The following DNAH6 variants were observed in gnomAD, a reference collection of about 807,000 sequenced individuals.
DNAH6 encodes the protein dynein axonemal heavy chain 6, also known as axonemal beta dynein heavy chain 6.
Under a neutral mutation model 491.4 loss-of-function variants are expected in DNAH6, and 340 were observed. The observed-to-expected ratio is 0.69, with a 90% CI of 0.63 to 0.76. The LOEUF is 0.76. Among genes scored for constraint, DNAH6 ranks in the 30% least tolerant of loss-of-function variants. The pLI, the probability that DNAH6 is intolerant of heterozygous loss-of-function variation, is 0.00. For missense variants in DNAH6, 4,443 were observed against 4,972.2 expected (o/e 0.89, Z 3.20); for synonymous variants, 1,603 against 1,686.1 (o/e 0.95, Z 1.21).
chr2:84,543,689 A>G (rs188217500), intron 4 of DNAH6, among the ~76,000 whole-genome samples: 2 of 152,280 alleles, frequency 1.3e-5, no homozygotes, highest in Non-Finnish European at 2.9e-5. Context: ...TTAATCATAC[A>G]GTTGAAGAAT....
chr2:84,789,510 A>G (rs1252795263), intron 68 of DNAH6, among the ~76,000 whole-genome samples: 1 of 152,220 alleles, frequency 6.6e-6, no homozygotes. Flanking sequence ...AAAGCAAAGT[A>G]CAATCAAAGC....
rs1697588102 is a variant in DNAH6, at chr2:84,716,891, G to A, written c.9611+1264G>A. 2.6e-5 allele frequency among the ~76,000 whole-genome samples: 4 copies of A among 152,186 alleles called. No individual in the cohort carries two copies. In the South Asian group the frequency reaches 8.3e-4, roughly 31 times the overall value. On this transcript the variant is annotated intron_variant, in intron 58 of 76. Transcript: ENST00000389394. ...TGAGGATGGAGCTGGGTCTGCCTGT[G>A]TTCTGACAGGCCGTCACCTATTTCA...
intron 56 of DNAH6, among the ~76,000 whole-genome samples, chr2:84,711,225 A>G (rs1697014589): frequency 6.6e-6 from 1 of 152,234 alleles, no homozygotes; most frequent in Non-Finnish European, 1.5e-5. Context: ...GCTGTGACCT[A>G]TGTGATGAGC....
At chr2:84,725,309 G>T (rs545487111) in intron 60 of DNAH6, among the ~76,000 whole-genome samples, 1 of 152,276 alleles carries the variant, frequency 6.6e-6, no homozygotes, top group South Asian at 2.1e-4. Context: ...TTCCAGGAAA[G>T]AATGGAAATG....
chr2:84,805,499 A>G lies in DNAH6; in HGVS notation c.11482-166A>G, dbSNP rs1052676452. ...CAATAATTACTGTCTTAATTTGTTA[A>G]GAGGGTAGATCTCATGTTAATTGTT... On this transcript the variant is annotated intron_variant, in intron 70 of 76. Transcript: ENST00000389394. 2.8e-4 allele frequency among the ~76,000 whole-genome samples: 42 copies of G among 152,228 alleles called. 1 individual carries two copies. The highest frequency in any genetic ancestry group is 9.2e-4 in the African/African-American group (38 of 41,468).
chr2:84,602,801 T>TTTTG (rs1481173159), intron 18 of DNAH6, among the ~76,000 whole-genome samples: 7 of 149,474 alleles, frequency 4.7e-5, no homozygotes, highest in African/African-American at 1.7e-4. Flanking sequence ...TGCTCTGTTT[T>TTTTG]TTTTTTTTTT....
intron 61 of DNAH6, 45 bp downstream of exon 61, chr2:84,727,947 G>A: frequency 1.6e-6 from 2 of 1,221,772 alleles, no homozygotes; most frequent in East Asian, 2.5e-5. Flanking sequence ...GTTTGGCTGT[G>A]TCCCCACCCA....
At chr2:84,470,118 G>T in the DNAH6 span, among the ~76,000 whole-genome samples, 1,601 of 152,130 alleles carry the variant, frequency 0.011, 16 homozygotes, top group Non-Finnish European at 0.017. Context: ...CCTATGAGTC[G>T]GGGGTCTCTT....
intron 21 of DNAH6, among the ~76,000 whole-genome samples, chr2:84,609,020 A>G (rs1421206927): frequency 6.6e-6 from 1 of 152,174 alleles, no homozygotes. Flanking sequence ...AGCTTCTTTC[A>G]GTCTCACGAA....
At chr2:84,494,298 A>C in the DNAH6 span, among the ~76,000 whole-genome samples, 1 of 152,196 alleles carries the variant, frequency 6.6e-6, no homozygotes, top group East Asian at 1.9e-4. Flanking sequence ...TGTTTGCCGG[A>C]TACAGGTTCT....
At chr2:84,481,891 A>G in the DNAH6 span, among the ~76,000 whole-genome samples, 5 of 152,154 alleles carry the variant, frequency 3.3e-5, no homozygotes, top group Admixed American at 3.3e-4. Flanking sequence ...TTCAGCTATC[A>G]CGTTGCACAT....
chr2:84,531,048 T>C (rs2365448), intron 4 of DNAH6, among the ~76,000 whole-genome samples: 146,114 of 152,216 alleles, frequency 0.96, 70,171 homozygotes, highest in East Asian at 1. Context: ...AATTAATATG[T>C]GTAAGATGTA....
chr2:84,585,774 G>A (rs534209670), intron 15 of DNAH6, among the ~76,000 whole-genome samples: 5 of 152,308 alleles, frequency 3.3e-5, no homozygotes, highest in Admixed American at 3.3e-4. Context: ...TCTGCAGCTG[G>A]TTGTCCCATT....
In DNAH6 at chr2:84,619,779, T is replaced by A; in HGVS notation, c.3667T>A (p.Ser1223Thr). 6.4e-7 allele frequency: 1 copy of A among 1,551,600 alleles called. No homozygotes were observed. The highest frequency in any genetic ancestry group is 1.2e-5 in the South Asian group (1 of 84,062). ...VQPHLRKCFD[S>T]ISKLEFALMP... ...GCCACACTTAAGGAAATGCTTCGAC[T>A]CCATTTCAAAGCTCGAATTTGCTCT... Residue 1223 changes from serine to threonine, a missense_variant, in exon 24 of 77, where the codon TCC becomes ACC. Around this residue, in one of 3 missense-constraint regions of DNAH6, gnomAD observed 2,977 missense variants for 3,296.6 expected, o/e 0.90. Transcript: ENST00000389394.
intron 63 of DNAH6, 115 bp from the exon 64 acceptor site, chr2:84,762,640 C>T (rs921305955): frequency 2.9e-6 from 2 of 690,786 alleles, no homozygotes; most frequent in African/African-American, 3.6e-5. Flanking sequence ...CCAATCAAGA[C>T]AGAATAAGTA....
At chr2:84,754,160 A>T (rs1451159890) in intron 63 of DNAH6, among the ~76,000 whole-genome samples, 18 of 151,006 alleles carry the variant, frequency 1.2e-4, no homozygotes, top group Non-Finnish European at 3.0e-5. Flanking sequence ...GTGTGAAGTA[A>T]GAGTCCAACA....
intron 56 of DNAH6, 76 bp from the exon 57 acceptor site, chr2:84,713,019 A>G (rs1697200153): frequency 1.5e-6 from 2 of 1,313,306 alleles, no homozygotes; most frequent in Admixed American, 2.6e-5. Flanking sequence ...TTGAGGCCTA[A>G]GGAATTTTGT....
chr2:84,630,661 A>G (rs1194481644), intron 29 of DNAH6, among the ~76,000 whole-genome samples: 1 of 152,238 alleles, frequency 6.6e-6, no homozygotes, highest in South Asian at 2.1e-4. Flanking sequence ...CCTTGCTTGT[A>G]TCTTTGTCGG....
At chr2:84,682,263 T>C (rs898068812) in intron 42 of DNAH6, among the ~76,000 whole-genome samples, 1 of 152,182 alleles carries the variant, frequency 6.6e-6, no homozygotes, top group Non-Finnish European at 1.5e-5. Flanking sequence ...TCCACGCAAC[T>C]TTCCCCTCCC....
Sources: allele counts gnomAD v4.1 joint callset (sites outside exome capture counted in the v4.1 genomes callset), GRCh38; gene constraint gnomAD v4.1.1; regional missense constraint gnomAD v4.1.1; transcripts MANE v1.5; gene names NCBI Gene and HGNC (gene_info 2026-07-23, HGNC 2026-07-21).